The following PCDH8 variants were observed in gnomAD, a reference collection of about 807,000 sequenced individuals.
The protein encoded by PCDH8 is protocadherin 8.
A neutral mutation model predicts 58.2 loss-of-function variants in PCDH8; 36 were observed. The observed-to-expected ratio is 0.62, with a 90% CI of 0.47 to 0.82. The LOEUF (loss-of-function observed/expected upper bound fraction) is 0.82, where lower values mean the gene tolerates loss of function less well. Ranked by LOEUF, PCDH8 falls within the 40% of genes least tolerant of loss-of-function variation. PCDH8 has a pLI of 0.00. For synonymous variants in PCDH8, 775 were observed against 728.9 expected (o/e 1.06, Z -1.02); for missense variants, 1,493 against 1,567.8 (o/e 0.95, Z 0.81).
At position 52,845,541 on chromosome 13, in the gene PCDH8, T is replaced by G; in HGVS notation, c.2723A>C (p.Glu908Ala). The G allele has an allele frequency of 6.2e-7, 1 of 1,614,174 alleles. No individual in the cohort carries two copies. Among genetic ancestry groups the G allele is most frequent in the Middle Eastern group, 1.6e-4 (1 of 6,062 alleles). Residue 908 changes from glutamate to alanine, a missense_variant, in exon 2 of 3, where the codon GAA (glutamate) becomes GCA (alanine). Around this residue, in one of 3 missense-constraint regions of PCDH8, gnomAD observed 1,307 missense variants for 1,362.7 expected, o/e 0.96. Transcript: ENST00000377942. ...GHSFNTISGR[E>A]AEKFSGKDSG... ...GTCTTTGCCGCTGAACTTCTCTGCT[T>G]CTCTGCCAGAAATGGTGTTGAAGGA...
In PCDH8 at chr13:52,847,652, C is replaced by T; in HGVS notation, c.785G>A (p.Gly262Asp). The change falls in exon 1 of 3, where the codon GGC (glycine) becomes GAC (aspartate). Residue 262 changes from glycine (G) to aspartate (D), a missense_variant. By Grantham distance (94) the Gly-to-Asp change is moderately conservative. This residue lies in a region of PCDH8 where 1,307 missense variants were observed against 1,362.7 expected (regional missense o/e 0.96). Transcript: ENST00000377942. ...TGCGTCCAGGTCGAGAAGCAGGGAG[C>T]CCACGGGCGCGTCTTCCGCCAGCTC... ...EVELAEDAPV[G>D]SLLLDLDAAD... is the part of the protein sequence containing the mutation. 12 of 1,571,752 alleles carry T rather than the reference C, an allele frequency of 7.6e-6. No individual in the cohort carries two copies. Among genetic ancestry groups the T allele is most frequent in the Non-Finnish European group, 1.0e-5 (12 of 1,168,162 alleles).
rs775620350 is a variant in PCDH8 at position 52,847,437 on chromosome 13, G to C, written c.1000C>G (p.Arg334Gly). The change falls in exon 1 of 3, where the codon CGC (arginine) becomes GGC (glycine). Residue 334 changes from arginine to glycine, a missense_variant. By Grantham distance (125) the Arg-to-Gly change is moderately radical. This residue lies in a region of PCDH8 where 1,307 missense variants were observed against 1,362.7 expected (regional missense o/e 0.96). Coordinates refer to ENST00000377942, the MANE Select transcript of PCDH8 (RefSeq NM_002590.4). ...ACGATGACCTTGCAGGTGGCAGCGCGGGGCCCGGGTCCGCGGTCCTGCGCC... is the reference window on the plus strand; with the variant it reads ...ACGATGACCTTGCAGGTGGCAGCGCCGGGCCCGGGTCCGCGGTCCTGCGCC... ...VRAQDRGPGP[R>G]AATCKVIVRI... 7 of 1,586,228 alleles carry C rather than the reference G, an allele frequency of 4.4e-6. No individual in the cohort carries two copies. In the Admixed American group the frequency reaches 5.1e-5, roughly 12 times the overall value.
rs1965781983 is a variant in PCDH8, at chr13:52,848,572, G to A, written c.-136C>T. On this transcript the variant is annotated 5_prime_UTR_variant, in exon 1 of 3. Coordinates refer to ENST00000377942, the MANE Select transcript of PCDH8 (RefSeq NM_002590.4). Reference sequence around the variant, plus strand: ...AGAAGTCTGCGGGTAGCAGCTCCGAGCCTCCAGCGGGCTCTGAGGACGCGC... The same window carrying A: ...AGAAGTCTGCGGGTAGCAGCTCCGAACCTCCAGCGGGCTCTGAGGACGCGC... 4.2e-6 allele frequency: 6 copies of A among 1,418,294 alleles called. No homozygotes were observed. The highest frequency in any genetic ancestry group is 5.5e-6 in the Non-Finnish European group (6 of 1,087,748). The allele number at this position is 1,418,294 out of a possible 1,614,324, so 87.9% of individuals were successfully genotyped here. A position where few individuals can be genotyped will look rare whatever the true frequency, so the allele number is the denominator to read the frequency against.
chr13:52,846,285 G>T lies in PCDH8; in HGVS notation c.2152C>A (p.Pro718Thr). 1 of 1,573,158 alleles carries T rather than the reference G, an allele frequency of 6.4e-7. No homozygotes were observed. Among genetic ancestry groups the T allele is most frequent in the Non-Finnish European group, 8.6e-7 (1 of 1,165,498 alleles). The change falls in exon 1 of 3, where the codon CCG becomes ACG. Residue 718 changes from proline (P) to threonine (T), a missense_variant. Pro to Thr is a conservative substitution (Grantham distance 38, BLOSUM62 -1). This residue lies in a region of PCDH8 where 1,307 missense variants were observed against 1,362.7 expected (regional missense o/e 0.96). Transcript: ENST00000377942. ...FVVTAGGGRG[P>T]AAPASAGSPE... ...CTTCCTGCACTGGCAGGCGCAGCCG[G>T]CCCACGCCCGCCCCCTGCTGTTACC... is the stretch of plus-strand genomic sequence containing the variant.
chr13:52,845,396 C>G, intron 2 of PCDH8, 29 bp downstream of exon 2: 1 of 1,607,618 alleles, frequency 6.2e-7, no homozygotes, highest in African/African-American at 1.3e-5. Context: ...GGAGGAATGC[C>G]GAATTTGGCG....
chr13:52,847,525 G>T lies in PCDH8; in HGVS notation c.912C>A (p.Gly304=), dbSNP rs761413724. ...CCACGGGCCCGGCCAGGGTGAGGCG[G>T]CCTGATCGCGGGTCAAGCCGAAAGA... ...RRLFRLDPRS[G]RLTLAGPVDY... Residue 304 remains glycine (G), a synonymous_variant, in exon 1 of 3, where the codon GGC becomes GGA. Coordinates refer to ENST00000377942, the MANE Select transcript of PCDH8 (RefSeq NM_002590.4). 1.3e-6 allele frequency: 2 copies of T among 1,581,662 alleles called. No individual in the cohort carries two copies. The highest frequency in any genetic ancestry group is 1.7e-6 in the Non-Finnish European group (2 of 1,170,772).
rs1204169005 is a variant in PCDH8 at position 52,846,455 on chromosome 13, G to C, written c.1982C>G (p.Ala661Gly). The C allele has an allele frequency of 6.3e-7, 1 of 1,599,062 alleles. No homozygotes were observed. Among genetic ancestry groups the C allele is most frequent in the Admixed American group, 1.7e-5 (1 of 59,954 alleles). ...FELQQQEPREAFAIGRRTGEI... is the reference protein window; with the variant it reads ...FELQQQEPREGFAIGRRTGEI... ...CCCCGTGCGGCGGCCGATGGCGAAG[G>C]CTTCGCGCGGCTCCTGCTGCTGCAG... Residue 661 changes from alanine to glycine, a missense_variant, in exon 1 of 3, where the codon GCC (alanine) becomes GGC (glycine). Transcript: ENST00000377942.
At position 52,844,482 on chromosome 13, in the gene PCDH8, A is replaced by G. The variant is rs538330769; in HGVS notation, c.*78T>C. 1 of 1,251,270 alleles carries G rather than the reference A, an allele frequency of 8.0e-7. No homozygotes were observed. The highest frequency in any genetic ancestry group is 2.4e-5 in the East Asian group (1 of 42,302). The allele number at this position is 1,251,270 out of a possible 1,614,324, so 77.5% of individuals were successfully genotyped here. On this transcript the variant is annotated 3_prime_UTR_variant, in exon 3 of 3. Coordinates refer to ENST00000377942, the MANE Select transcript of PCDH8 (RefSeq NM_002590.4). ...TAAGGCACATCTTGCATATTTATAT[A>G]TACAACACTGAAACCGGTCAATAAC... is the stretch of plus-strand genomic sequence containing the variant.
At chr13:52,845,713 A>G in intron 1 of PCDH8, 81 bp from the exon 2 acceptor site, 2 of 1,534,394 alleles carry the variant, frequency 1.3e-6, no homozygotes, top group South Asian at 2.4e-5. Context: ...CAGGTTGTCT[A>G]CCTGAATGCA....
At position 52,846,491 on chromosome 13, in the gene PCDH8, A is replaced by G. The variant is rs1475751658; in HGVS notation, c.1946T>C (p.Leu649Pro). ...RDADEGANGE[L>P]AFELQQQEPR... is the part of the protein sequence containing the mutation. ...CTCCTGCTGCTGCAGCTCGAACGCC[A>G]GCTCCCCGTTGGCTCCCTCGTCTGC... Residue 649 changes from leucine (L) to proline (P), a missense_variant, in exon 1 of 3, where the codon CTG becomes CCG. Physicochemically the swap from Leu to Pro is moderately conservative, Grantham distance 98 (BLOSUM62 -3). This residue lies in a region of PCDH8 where 1,307 missense variants were observed against 1,362.7 expected (regional missense o/e 0.96). Coordinates refer to ENST00000377942, the MANE Select transcript of PCDH8 (RefSeq NM_002590.4). 1 of 1,597,844 alleles carries G rather than the reference A, an allele frequency of 6.3e-7. No individual in the cohort carries two copies. Among genetic ancestry groups the G allele is most frequent in the African/African-American group, 1.3e-5 (1 of 74,968 alleles).
In PCDH8 at chr13:52,844,922, A is replaced by G. The variant is rs1965706283; in HGVS notation, c.2851T>C (p.Cys951Arg). Reference sequence around the variant, plus strand: ...CCCAGGATCTTACACTCAGCGGTGCACGCCCACAGTCCTAATACGAAAGGG... The same window carrying G: ...CCCAGGATCTTACACTCAGCGGTGCGCGCCCACAGTCCTAATACGAAAGGG... ...INHMQSGLWA[C>R]TAECKILGHS... is the part of the protein sequence containing the mutation. The change falls in exon 3 of 3, where the codon TGC becomes CGC. Residue 951 changes from cysteine (C) to arginine (R), a missense_variant. Cys to Arg is a radical substitution (Grantham distance 180). Coordinates refer to ENST00000377942, the MANE Select transcript of PCDH8 (RefSeq NM_002590.4). 2.6e-6 allele frequency: 4 copies of G among 1,526,732 alleles called. No individual in the cohort carries two copies. Among genetic ancestry groups the G allele is most frequent in the Non-Finnish European group, 3.5e-6 (4 of 1,137,260 alleles). The allele number at this position is 1,526,732 out of a possible 1,614,324, so 94.6% of individuals were successfully genotyped here. A position where few individuals can be genotyped will look rare whatever the true frequency, so the allele number is the denominator to read the frequency against.
chr13:52,846,708 C>A lies in PCDH8; in HGVS notation c.1729G>T (p.Val577Phe), dbSNP rs1434730493. 1.3e-6 allele frequency: 2 copies of A among 1,597,604 alleles called. No individual in the cohort carries two copies. Among genetic ancestry groups the A allele is most frequent in the African/African-American group, 1.3e-5 (1 of 74,694 alleles). The change falls in exon 1 of 3, where the codon GTT (valine) becomes TTT (phenylalanine). Residue 577 changes from valine to phenylalanine, a missense_variant. This residue lies in a region of PCDH8 where 1,307 missense variants were observed against 1,362.7 expected (regional missense o/e 0.96). Coordinates refer to ENST00000377942, the MANE Select transcript of PCDH8 (RefSeq NM_002590.4). ...FDYETLRQLD[V>F]RIQASDGGSP... ...CCGCCGTCGCTAGCTTGGATGCGAA[C>A]GTCGAGTTGGCGCAGCGTCTCATAG... is the stretch of plus-strand genomic sequence containing the variant.
chr13:52,845,353 A>C, intron 2 of PCDH8, 72 bp downstream of exon 2: 4 of 1,400,388 alleles, frequency 2.9e-6, no homozygotes, highest in Non-Finnish European at 4.0e-6. Flanking sequence ...ACCGAGATTG[A>C]GAGGAGGCAA....
Position 52,848,426 on chromosome 13 carries a change from A to G in PCDH8, c.11T>C (p.Val4Ala). The G allele has an allele frequency of 6.2e-7, 1 of 1,601,278 alleles. No homozygotes were observed. Among genetic ancestry groups the G allele is most frequent in the Non-Finnish European group, 8.5e-7 (1 of 1,175,812 alleles). Residue 4 changes from valine (V) to alanine (A), a missense_variant, in exon 1 of 3, where the codon GTG becomes GCG. By Grantham distance (64) the Val-to-Ala change is moderately conservative. Transcript: ENST00000377942. MSP[V>A]RRWGSPCLFP... ...AAGGCAGGGGCTGCCCCAACGCCTCACAGGACTCATGCCTCCAGCCTCAAG... is the reference window on the plus strand; with the variant it reads ...AAGGCAGGGGCTGCCCCAACGCCTCGCAGGACTCATGCCTCCAGCCTCAAG...
At position 52,846,278 on chromosome 13, in the gene PCDH8, G is replaced by A. The variant is rs949346737; in HGVS notation, c.2159C>T (p.Ala720Val). The change falls in exon 1 of 3, where the codon GCG becomes GTG. Residue 720 changes from alanine (A) to valine (V), a missense_variant. Coordinates refer to ENST00000377942, the MANE Select transcript of PCDH8 (RefSeq NM_002590.4). ...VTAGGGRGPA[A>V]PASAGSPERS... ...CTCCGGGCTTCCTGCACTGGCAGGC[G>A]CAGCCGGCCCACGCCCGCCCCCTGC... 3.2e-6 allele frequency: 5 copies of A among 1,575,736 alleles called. No individual in the cohort carries two copies. In the South Asian group the frequency reaches 4.6e-5, roughly 14 times the overall value.
chr13:52,848,371 C>G lies in PCDH8; in HGVS notation c.66G>C (p.Trp22Cys), dbSNP rs143068590. 24 of 1,612,322 alleles carry G rather than the reference C, an allele frequency of 1.5e-5. No homozygotes were observed. In the African/African-American group the frequency reaches 3.1e-4, roughly 21 times the overall value. ...TTTTGCTCTGGGCCACTGAGAGCAC[C>G]CAGCAGAGGCTGAAGAGCTGCAAGG... ...LFPLQLFSLC[W>C]VLSVAQSKTV... Residue 22 changes from tryptophan to cysteine, a missense_variant, in exon 1 of 3, where the codon TGG (tryptophan) becomes TGC (cysteine). Around this residue, in one of 3 missense-constraint regions of PCDH8, gnomAD observed 1,307 missense variants for 1,362.7 expected, o/e 0.96. Coordinates refer to ENST00000377942, the MANE Select transcript of PCDH8 (RefSeq NM_002590.4).
rs1428211937 is a variant in PCDH8 at position 52,843,506 on chromosome 13, C to T, written c.*1054G>A. The T allele has an allele frequency of 6.6e-6, 1 of 152,130 alleles. No individual in the cohort carries two copies. The highest frequency in any genetic ancestry group is 2.4e-5 in the African/African-American group (1 of 41,420). 9.4% of individuals were successfully genotyped at this position (152,130 alleles called of 1,614,324 possible). On this transcript the variant is annotated 3_prime_UTR_variant, in exon 3 of 3. Transcript: ENST00000377942. Reference sequence around the variant, plus strand: ...GAAGTAGGACAGAATGTAGTGGGAACCTATTATATTCCAAAAGACTAAGAT... The same window carrying T: ...GAAGTAGGACAGAATGTAGTGGGAATCTATTATATTCCAAAAGACTAAGAT...
chr13:52,847,107 C>T lies in PCDH8; in HGVS notation c.1330G>A (p.Ala444Thr). The change falls in exon 1 of 3, where the codon GCG becomes ACG. Residue 444 changes from alanine to threonine, a missense_variant. Ala to Thr is a moderately conservative substitution (Grantham distance 58). Around this residue, in one of 3 missense-constraint regions of PCDH8, gnomAD observed 1,307 missense variants for 1,362.7 expected, o/e 0.96. Coordinates refer to ENST00000377942, the MANE Select transcript of PCDH8 (RefSeq NM_002590.4). ...GCGGTCACCACCAGGTAGCTGCCCG[C>T]GTAGGCCGGCTGCAGCCGGAAGTGC... ...HEHFRLQPAY[A>T]GSYLVVTAAS... is the part of the protein sequence containing the mutation. 1.3e-6 allele frequency: 2 copies of T among 1,558,308 alleles called. No individual in the cohort carries two copies. Among genetic ancestry groups the T allele is most frequent in the Non-Finnish European group, 1.7e-6 (2 of 1,158,760 alleles).
Position 52,847,013 on chromosome 13 carries a change from G to C in PCDH8, c.1424C>G (p.Pro475Arg). 1 of 1,568,764 alleles carries C rather than the reference G, an allele frequency of 6.4e-7. No individual in the cohort carries two copies. ...GTAGGGCCGCACTGTGCGCAGCGGG[G>C]GCGCGCCGCGATCCTCGGCCACCAG... ...LTLVAEDRGA[P>R]PLRTVRPYTV... Residue 475 changes from proline to arginine, a missense_variant, in exon 1 of 3, where the codon CCC becomes CGC. This residue lies in a region of PCDH8 where 1,307 missense variants were observed against 1,362.7 expected (regional missense o/e 0.96). Transcript: ENST00000377942.
Sources: allele counts gnomAD v4.1 joint callset, GRCh38; gene constraint gnomAD v4.1.1; regional missense constraint gnomAD v4.1.1; transcripts MANE v1.5; gene names NCBI Gene and HGNC (gene_info 2026-07-23, HGNC 2026-07-21).